The following CACNA2D3 variants were observed in gnomAD, a reference collection of about 807,000 sequenced individuals.
CACNA2D3 encodes the protein voltage-dependent calcium channel subunit alpha-2/delta-3.
A neutral mutation model predicts 160.6 loss-of-function variants in CACNA2D3; 60 were observed. That is an observed-to-expected ratio of 0.37 (90% CI 0.30 to 0.46). The LOEUF (loss-of-function observed/expected upper bound fraction) is 0.46. Ranked by LOEUF, CACNA2D3 falls within the 20% of genes least tolerant of loss-of-function variation. The pLI, the probability that CACNA2D3 is intolerant of heterozygous loss-of-function variation, is 1.00. For synonymous variants in CACNA2D3, 558 were observed against 492.9 expected (o/e 1.13, Z -1.75); for missense variants, 1,205 against 1,365.0 (o/e 0.88, Z 1.85).
At chr3:54,687,126 TTTTTTTTTG>T (rs1296699821) in intron 11 of CACNA2D3, among the ~76,000 whole-genome samples, 50 of 66,952 alleles carry the variant, frequency 7.5e-4, no homozygotes, top group East Asian at 1.6e-3. Context: ...TTTTTCTTTT[TTTTTTTTTG>T]TTTTTTTTTT....
intron 31 of CACNA2D3, among the ~76,000 whole-genome samples, chr3:54,989,597 C>A (rs1702693897): frequency 6.6e-6 from 1 of 152,276 alleles, no homozygotes; most frequent in Admixed American, 6.5e-5. Context: ...GTCAGATTAC[C>A]TCTCCAAACA....
At chr3:54,731,314 C>A (rs1314044931) in intron 11 of CACNA2D3, among the ~76,000 whole-genome samples, 1 of 152,184 alleles carries the variant, frequency 6.6e-6, no homozygotes, top group Non-Finnish European at 1.5e-5. Flanking sequence ...ACGAAGCACA[C>A]TACTATTCCT....
chr3:54,701,948 A>T (rs1700774101), intron 11 of CACNA2D3, among the ~76,000 whole-genome samples: 1 of 152,146 alleles, frequency 6.6e-6, no homozygotes, highest in Admixed American at 6.6e-5. Context: ...CCTAGAAATA[A>T]AGCCACACAC....
intron 23 of CACNA2D3, among the ~76,000 whole-genome samples, chr3:54,886,763 AG>A (rs1176576786): frequency 6.6e-6 from 1 of 151,932 alleles, no homozygotes; most frequent in Non-Finnish European, 1.5e-5. Flanking sequence ...ATGTGTATAA[AG>A]TATATATGTA....
At chr3:54,586,262 C>CAAAAAAAA (rs34992866) in intron 9 of CACNA2D3, among the ~76,000 whole-genome samples, 13 of 101,298 alleles carry the variant, frequency 1.3e-4, no homozygotes, top group Non-Finnish European at 1.5e-4. Flanking sequence ...AGATCCATCT[C>CAAAAAAAA]AAAAAAAAAA....
intron 17 of CACNA2D3, among the ~76,000 whole-genome samples, chr3:54,861,414 C>T (rs563562871): frequency 3.9e-5 from 6 of 152,250 alleles, no homozygotes; most frequent in African/African-American, 1.2e-4. Context: ...CAGTGAGAGG[C>T]AGGGAGTGGC....
At chr3:54,227,800 C>T (rs775008633) in intron 2 of CACNA2D3, among the ~76,000 whole-genome samples, 6 of 152,222 alleles carry the variant, frequency 3.9e-5, no homozygotes, top group East Asian at 1.9e-4. Context: ...CCACCCTCCT[C>T]GGCCTCCCAA....
At position 54,921,819 on chromosome 3, in the gene CACNA2D3, A is replaced by G. The variant is rs192692264; in HGVS notation, c.2449+21951A>G. ...TTGAACTCTGCCATGAATGAGCAAC[A>G]GATTTTATTGCATATATAACTAAAG... On this transcript the variant is annotated intron_variant, in intron 27 of 37. Transcript: ENST00000474759. 7.9e-5 allele frequency among the ~76,000 whole-genome samples: 12 copies of G among 152,310 alleles called. No homozygotes were observed. The East Asian group carries it at 2.3e-3, about 29-fold the overall frequency.
At chr3:55,007,020 C>T (rs1042011900) in intron 32 of CACNA2D3, among the ~76,000 whole-genome samples, 1 of 152,194 alleles carries the variant, frequency 6.6e-6, no homozygotes, top group African/African-American at 2.4e-5. Context: ...CAAGTTCACC[C>T]ACCACTCACA....
intron 35 of CACNA2D3, among the ~76,000 whole-genome samples, chr3:55,059,741 C>T (rs1168616029): frequency 6.6e-6 from 1 of 151,920 alleles, no homozygotes; most frequent in Non-Finnish European, 1.5e-5. Flanking sequence ...ATGGTGGATA[C>T]GGGGATTTTA....
chr3:54,418,730 C>T (rs1699795167), intron 4 of CACNA2D3, among the ~76,000 whole-genome samples: 1 of 152,158 alleles, frequency 6.6e-6, no homozygotes, highest in Admixed American at 6.5e-5. Context: ...AGAGGATACC[C>T]TCCCTACAGG....
intron 4 of CACNA2D3, among the ~76,000 whole-genome samples, chr3:54,427,071 A>G (rs1329209365): frequency 6.7e-6 from 1 of 150,042 alleles, no homozygotes; most frequent in Non-Finnish European, 1.5e-5. Context: ...TGTTCTGCGT[A>G]CCCTTTCTGT....
chr3:54,930,997 G>GA (rs138644305), intron 27 of CACNA2D3, among the ~76,000 whole-genome samples: 5,549 of 152,302 alleles, frequency 0.036, 301 homozygotes, highest in African/African-American at 0.12. Flanking sequence ...TCAGGAGGCT[G>GA]AGGCAGGAGA....
At chr3:54,789,201 T>A (rs1318926039) in intron 13 of CACNA2D3, among the ~76,000 whole-genome samples, 2 of 152,198 alleles carry the variant, frequency 1.3e-5, no homozygotes, top group African/African-American at 4.8e-5. Flanking sequence ...TTGTTATCCC[T>A]ATTTTCAGAT....
At position 54,701,214 on chromosome 3, in the gene CACNA2D3, A is replaced by G. The variant is rs141206661; in HGVS notation, c.1168-51385A>G. Among the ~76,000 whole-genome samples, 18 of 152,306 alleles carry G rather than the reference A, an allele frequency of 1.2e-4. No individual in the cohort carries two copies. In the East Asian group the frequency reaches 3.3e-3, roughly 28 times the overall value. On this transcript the variant is annotated intron_variant, in intron 11 of 37. Transcript: ENST00000474759. ...TATTTCTACCAACTAAGATGTGTGC[A>G]CTCCACCAAAAAAGATCATCTAATG...
Position 54,503,624 on chromosome 3 carries a change from G to T in CACNA2D3, c.514G>T (p.Val172Phe). ...GCCTGTGAACATCAGTCTAAGTGAC[G>T]TCCAAGTACCAACGAACATGTACAA... ...NLPVNISLSD[V>F]QVPTNMYNKD... Residue 172 changes from valine to phenylalanine, a missense_variant, in exon 5 of 38, where the codon GTC (valine) becomes TTC (phenylalanine). Physicochemically the swap from Val to Phe is conservative, Grantham distance 50. Around this residue, in one of 3 missense-constraint regions of CACNA2D3, gnomAD observed 131 missense variants for 201.5 expected, o/e 0.65. Transcript: ENST00000474759. The T allele has an allele frequency of 6.2e-7, 1 of 1,613,864 alleles. No individual in the cohort carries two copies.
chr3:54,490,448 C>T (rs975860991), intron 4 of CACNA2D3, among the ~76,000 whole-genome samples: 4 of 152,196 alleles, frequency 2.6e-5, no homozygotes, highest in African/African-American at 9.7e-5. Context: ...ATCAGGAGGT[C>T]CATCTAATTC....
At chr3:54,264,562 A>G (rs1702466696) in intron 2 of CACNA2D3, among the ~76,000 whole-genome samples, 1 of 152,098 alleles carries the variant, frequency 6.6e-6, no homozygotes. Flanking sequence ...CTTTTTCTTT[A>G]AGTTTTTTCT....
rs71619825 is a variant in CACNA2D3, at chr3:55,033,850, ATT to A, written c.2987+15534_2987+15535del. Reference sequence around the variant, plus strand: ...ATTTAATATATAATATATATTACATATTAAATATATTTAATATATAATATATA... The same window carrying A: ...ATTTAATATATAATATATATTACATAAAATATATTTAATATATAATATATA... On this transcript the variant is annotated intron_variant, in intron 35 of 37. Coordinates refer to ENST00000474759, the MANE Select transcript of CACNA2D3 (RefSeq NM_018398.3). Among the ~76,000 whole-genome samples, 47 of 94,494 alleles carry A rather than the reference ATT, an allele frequency of 5.0e-4. 8 individuals carry two copies. The highest frequency in any genetic ancestry group is 4.6e-3 in the Middle Eastern group (1 of 218). 62.0% of individuals were successfully genotyped at this position (94,494 alleles called of 152,430 possible).
Sources: gnomAD v4.1 joint callset for allele counts (sites outside exome capture counted in the v4.1 genomes callset) on GRCh38, gnomAD v4.1.1 for gene constraint, gnomAD v4.1.1 regional missense constraint, MANE v1.5 for transcripts, NCBI Gene and HGNC (gene_info 2026-07-23, HGNC 2026-07-21) for gene names.